Variants in RBFOX1 observed in about 807,000 individuals in gnomAD.
RBFOX1 encodes RNA binding protein fox-1 homolog 1.
A neutral mutation model predicts 57.7 loss-of-function variants in RBFOX1; 8 were observed. The ratio of observed to expected loss-of-function variants is 0.14; its 90% confidence interval spans 0.08 to 0.25. The LOEUF (loss-of-function observed/expected upper bound fraction) is 0.25, where lower values mean the gene tolerates loss of function less well. RBFOX1 is among the 10% of genes least tolerant of loss of function. The pLI is 1.00. For synonymous variants in RBFOX1, 326 were observed against 222.4 expected (o/e 1.47, Z -4.15); for missense variants, 611 against 548.5 (o/e 1.11, Z -1.14).
chr16:6,483,014 G>T (rs942207092), intron 2 of RBFOX1, among the ~76,000 whole-genome samples: 1 of 152,234 alleles, frequency 6.6e-6, no homozygotes, highest in African/African-American at 2.4e-5. Context: ...ACAAGGGAAG[G>T]GACACGTGCG....
chr16:7,104,869 A>G (rs1203815210), intron 4 of RBFOX1, among the ~76,000 whole-genome samples: 2 of 152,128 alleles, frequency 1.3e-5, no homozygotes. Context: ...ACAAAACAGA[A>G]AAGTCCAAGA....
intron 2 of RBFOX1, among the ~76,000 whole-genome samples, chr16:6,520,480 A>G (rs2096477121): frequency 6.6e-6 from 1 of 152,200 alleles, no homozygotes; most frequent in Non-Finnish European, 1.5e-5. Context: ...GTCTCTGTAC[A>G]CTTGGTAAAA....
chr16:6,682,454 T>C (rs2058796624), intron 3 of RBFOX1, among the ~76,000 whole-genome samples: 1 of 152,264 alleles, frequency 6.6e-6, no homozygotes, highest in Non-Finnish European at 1.5e-5. Flanking sequence ...AGTTAGACAT[T>C]TGTTAAATAT....
At chr16:6,154,667 G>T (rs956217937) in intron 1 of RBFOX1, among the ~76,000 whole-genome samples, 1 of 152,162 alleles carries the variant, frequency 6.6e-6, no homozygotes. Context: ...CTAAGGGAAT[G>T]AATATGAATG....
chr16:7,710,257 G>C lies in RBFOX1; in HGVS notation c.1072-366G>C, dbSNP rs949541377. 10 of 1,082,058 alleles carry C rather than the reference G, an allele frequency of 9.2e-6. No homozygotes were observed. The African/African-American group carries it at 1.2e-4, about 13-fold the overall frequency. The allele number at this position is 1,082,058 out of a possible 1,614,324, so 67.0% of individuals were successfully genotyped here. Reference sequence around the variant, plus strand: ...TGCTTCAACACCTAGTCCACATGAGGAATGTGTTGGAGAGTTGAATTACAT... The same window carrying C: ...TGCTTCAACACCTAGTCCACATGAGCAATGTGTTGGAGAGTTGAATTACAT... On this transcript the variant is annotated intron_variant, in intron 15 of 15. Transcript: ENST00000550418.
At chr16:6,902,228 A>G (rs114265316) in intron 3 of RBFOX1, among the ~76,000 whole-genome samples, 238 of 152,250 alleles carry the variant, frequency 1.6e-3, no homozygotes, top group African/African-American at 5.3e-3. Flanking sequence ...ATTGTGTGGA[A>G]TTACATGTAA....
At chr16:7,063,222 G>C (rs7201131) in intron 4 of RBFOX1, among the ~76,000 whole-genome samples, 28,790 of 151,820 alleles carry the variant, frequency 0.19, 3,135 homozygotes, top group African/African-American at 0.3. Flanking sequence ...ATCAAGAGCA[G>C]GTAGGCACAG....
intron 1 of RBFOX1, among the ~76,000 whole-genome samples, chr16:5,281,708 A>T (rs2063275440): frequency 6.6e-6 from 1 of 151,920 alleles, no homozygotes; most frequent in African/African-American, 2.4e-5. Context: ...ACAGTTTTTG[A>T]CTTAGTCTGT....
chr16:6,391,553 A>G (rs1361952944), intron 2 of RBFOX1, among the ~76,000 whole-genome samples: 1 of 151,934 alleles, frequency 6.6e-6, no homozygotes, highest in Non-Finnish European at 1.5e-5. Flanking sequence ...TTTGATTCAC[A>G]TTTTTAAAGA....
intron 1 of RBFOX1, among the ~76,000 whole-genome samples, chr16:6,089,072 A>AT (rs1043494567): frequency 1.4e-5 from 2 of 146,398 alleles, no homozygotes; most frequent in African/African-American, 5.2e-5. Context: ...TCTCAAAAAA[A>AT]AAAAAAATAT....
intron 4 of RBFOX1, among the ~76,000 whole-genome samples, chr16:7,215,101 C>A (rs997091473): frequency 2.6e-5 from 4 of 152,080 alleles, no homozygotes; most frequent in Non-Finnish European, 5.9e-5. Flanking sequence ...ATGTTCGCCT[C>A]CCTACGTCCA....
At chr16:7,017,306 A>C (rs2093965137) in intron 3 of RBFOX1, among the ~76,000 whole-genome samples, 1 of 152,170 alleles carries the variant, frequency 6.6e-6, no homozygotes, top group Non-Finnish European at 1.5e-5. Context: ...GGAAATTTAT[A>C]GTGTACTATA....
At chr16:6,480,338 C>T (rs893074370) in intron 2 of RBFOX1, among the ~76,000 whole-genome samples, 1 of 152,130 alleles carries the variant, frequency 6.6e-6, no homozygotes, top group Non-Finnish European at 1.5e-5. Flanking sequence ...TTTAGACTTC[C>T]TGGGCCACTT....
chr16:5,382,454 T>C (rs1455260557), intron 1 of RBFOX1, among the ~76,000 whole-genome samples: 1 of 152,182 alleles, frequency 6.6e-6, no homozygotes, highest in Admixed American at 6.5e-5. Flanking sequence ...ATTTGCCTTC[T>C]GGTATCTACA....
intron 5 of RBFOX1, among the ~76,000 whole-genome samples, chr16:7,539,512 T>C (rs1288061319): frequency 6.6e-6 from 1 of 152,232 alleles, no homozygotes; most frequent in Non-Finnish European, 1.5e-5. Context: ...ATATTGTCCA[T>C]GATCTGAAGC....
chr16:5,373,561 C>T lies in RBFOX1; in HGVS notation c.220-93655C>T, dbSNP rs568159686. Among the ~76,000 whole-genome samples the T allele has an allele frequency of 1.6e-4, 24 of 152,172 alleles. No homozygotes were observed. The South Asian group carries it at 5.0e-3, about 32-fold the overall frequency. On this transcript the variant is annotated intron_variant, in intron 1 of 2. Transcript: ENST00000585867. Reference sequence around the variant, plus strand: ...GTTTCCTGAGGCCTCCTCAGCCGTACTTCCTGTACAGCCTGCAGAACCGTG... The same window carrying T: ...GTTTCCTGAGGCCTCCTCAGCCGTATTTCCTGTACAGCCTGCAGAACCGTG...
intron 2 of RBFOX1, among the ~76,000 whole-genome samples, chr16:6,480,407 A>G (rs2095355028): frequency 6.6e-6 from 1 of 152,238 alleles, no homozygotes; most frequent in Non-Finnish European, 1.5e-5. Context: ...AGCAACCCAT[A>G]AACAAATGGG....
At chr16:5,539,843 G>A (rs748392751) in intron 2 of RBFOX1, among the ~76,000 whole-genome samples, 2 of 152,136 alleles carry the variant, frequency 1.3e-5, no homozygotes, top group Non-Finnish European at 2.9e-5. Context: ...GAGTGACATG[G>A]AATCTTTAAA....
At chr16:6,929,595 T>C (rs1333672561) in intron 3 of RBFOX1, among the ~76,000 whole-genome samples, 2 of 152,112 alleles carry the variant, frequency 1.3e-5, no homozygotes, top group East Asian at 3.9e-4. Context: ...GAAATTTAAT[T>C]TTTAGCTTAA....
Sources: gnomAD v4.1 joint callset for allele counts (sites outside exome capture counted in the v4.1 genomes callset) on GRCh38, gnomAD v4.1.1 for gene constraint, MANE v1.5 for transcripts, NCBI Gene and HGNC (gene_info 2026-07-23, HGNC 2026-07-21) for gene names.